Variants in ACACB observed in about 807,000 individuals in gnomAD.
The protein encoded by ACACB is acetyl-CoA carboxylase beta.
ACACB carries 209 observed loss-of-function variants against 278.8 expected under a neutral mutation model. The ratio of observed to expected loss-of-function variants is 0.75; its 90% CI spans 0.67 to 0.84. ACACB has a LOEUF of 0.84. Ranked by LOEUF, ACACB falls within the 40% of genes least tolerant of loss-of-function variation. The pLI is 0.00. For missense variants in ACACB, 2,850 were observed against 3,269.0 expected, an observed-to-expected ratio of 0.87 and a Z score of 3.13; for synonymous variants, 1,174 against 1,285.6, an observed-to-expected ratio of 0.91 and a Z score of 1.86.
At chr12:109,127,264 C>T (rs1442363682) in intron 1 of ACACB, among the ~76,000 whole-genome samples, 1 of 152,118 alleles carries the variant, frequency 6.6e-6, no homozygotes, top group Non-Finnish European at 1.5e-5. Flanking sequence ...AGTCACTCCA[C>T]CTCTCTGGAC....
rs1435671533 is a variant in ACACB at position 109,185,650 on chromosome 12, G to A, written c.1890G>A (p.Val630=). ...RLLYGESPWG[V]TPISFETPSN... ...TGTATGGAGAGTCACCATGGGGAGT[G>A]ACTCCCATTTCTTTTGAAACCCCCT... Residue 630 remains valine, a synonymous_variant, in exon 12 of 53, where the codon GTG becomes GTA. Coordinates refer to ENST00000338432, the MANE Select transcript of ACACB (RefSeq NM_001093.4). The A allele has an allele frequency of 3.7e-6, 6 of 1,613,772 alleles. No homozygotes were observed. The highest frequency in any genetic ancestry group is 5.1e-6 in the Non-Finnish European group (6 of 1,179,944).
intron 28 of ACACB, among the ~76,000 whole-genome samples, chr12:109,231,225 T>C (rs887751558): frequency 6.6e-6 from 1 of 152,130 alleles, no homozygotes; most frequent in Non-Finnish European, 1.5e-5. Flanking sequence ...CCCCCTGCGA[T>C]GGGGCTGCTG....
At chr12:109,166,649 C>CAAAGAAAAAAA (rs2043906858) in intron 2 of ACACB, among the ~76,000 whole-genome samples, 1 of 25,062 alleles carries the variant, frequency 4.0e-5, no homozygotes, top group Non-Finnish European at 6.4e-5. Flanking sequence ...GATCCCGTCT[C>CAAAGAAAAAAA]AAAAAAAAAA....
intron 47 of ACACB, chr12:109,259,982 C>T (rs2047336025): frequency 2.8e-5 from 29 of 1,039,012 alleles, no homozygotes; most frequent in South Asian, 1.3e-4. Flanking sequence ...CTCAGAGGGC[C>T]GAGGTAAGAG....
chr12:109,181,546 T>C (rs1202654398), intron 11 of ACACB, among the ~76,000 whole-genome samples: 1 of 152,160 alleles, frequency 6.6e-6, no homozygotes, highest in Non-Finnish European at 1.5e-5. Flanking sequence ...ATTTTCTTTA[T>C]CCAATCATCT....
rs193086924 is a variant in ACACB at position 109,222,588 on chromosome 12, G to A, written c.3646G>A (p.Glu1216Lys). ...CGAGCTCACTCAGCTGAGCAAAAGCGAGCACTGCAAAGTGGCCCTCAGAGC... is the reference window on the plus strand; with the variant it reads ...CGAGCTCACTCAGCTGAGCAAAAGCAAGCACTGCAAAGTGGCCCTCAGAGC... ...LNELTQLSKS[E>K]HCKVALRARQ... The change falls in exon 25 of 53, where the codon GAG (glutamate) becomes AAG (lysine). Residue 1216 changes from glutamate (E) to lysine (K), a missense_variant. This residue lies in a region of ACACB where 2,265 missense variants were observed against 2,561.3 expected (regional missense o/e 0.88). Coordinates refer to ENST00000338432, the MANE Select transcript of ACACB (RefSeq NM_001093.4). 15 of 1,614,154 alleles carry A rather than the reference G, an allele frequency of 9.3e-6. No homozygotes were observed. The highest frequency in any genetic ancestry group is 4.5e-5 in the East Asian group (2 of 44,864).
intron 24 of ACACB, among the ~76,000 whole-genome samples, chr12:109,218,761 TTCTA>T (rs1482989617): frequency 1.3e-5 from 2 of 149,476 alleles, no homozygotes; most frequent in Non-Finnish European, 3.0e-5. Flanking sequence ...TCTATCTATC[TTCTA>T]TCTATCTTTT....
At chr12:109,129,156 C>T (rs967230613) in intron 1 of ACACB, among the ~76,000 whole-genome samples, 1 of 152,108 alleles carries the variant, frequency 6.6e-6, no homozygotes, top group African/African-American at 2.4e-5. Context: ...AACAAGCCCA[C>T]AACTCTAAAA....
chr12:109,176,163 G>T lies in ACACB; in HGVS notation c.1337G>T (p.Arg446Ile). The T allele has an allele frequency of 6.2e-7, 1 of 1,614,212 alleles. No individual in the cohort carries two copies. The highest frequency in any genetic ancestry group is 8.5e-7 in the Non-Finnish European group (1 of 1,180,038). The change falls in exon 9 of 53, where the codon AGA (arginine) becomes ATA (isoleucine). Residue 446 changes from arginine to isoleucine, a missense_variant. Transcript: ENST00000338432. ...DVDEGLEAAERIGFPLMIKAS... is the reference protein window; with the variant it reads ...DVDEGLEAAEIIGFPLMIKAS... ...GTCCTTTGCACCCAGGCAGCAGAAAGAATTGGTTTTCCATTGATGATCAAA... is the reference window on the plus strand; with the variant it reads ...GTCCTTTGCACCCAGGCAGCAGAAATAATTGGTTTTCCATTGATGATCAAA...
chr12:109,252,000 G>T, intron 41 of ACACB, 46 bp from the exon 42 acceptor site: 1 of 1,451,162 alleles, frequency 6.9e-7, no homozygotes, highest in Non-Finnish European at 9.5e-7. Context: ...TGGGGGGTGG[G>T]TCCCTCGCCA....
At chr12:109,219,355 G>C (rs577140604) in intron 24 of ACACB, among the ~76,000 whole-genome samples, 2 of 152,132 alleles carry the variant, frequency 1.3e-5, no homozygotes, top group African/African-American at 2.4e-5. Context: ...AAAATCTCAC[G>C]CAGCAGCTTT....
At chr12:109,146,660 G>A (rs936243308) in intron 2 of ACACB, among the ~76,000 whole-genome samples, 1 of 152,004 alleles carries the variant, frequency 6.6e-6, no homozygotes, top group African/African-American at 2.4e-5. Flanking sequence ...CTTTGTTGTC[G>A]CCGTCTTGAG....
intron 7 of ACACB, among the ~76,000 whole-genome samples, chr12:109,175,503 C>A (rs1457103401): frequency 6.6e-6 from 1 of 152,142 alleles, no homozygotes; most frequent in African/African-American, 2.4e-5. Flanking sequence ...GCAGTCTTGA[C>A]CTCCTGAGCT....
At chr12:109,145,830 C>G (rs888009851) in intron 2 of ACACB, among the ~76,000 whole-genome samples, 1 of 150,770 alleles carries the variant, frequency 6.6e-6, no homozygotes, top group Admixed American at 6.6e-5. Context: ...AAAACCCCAT[C>G]TCTACTAAAA....
At chr12:109,164,449 C>T (rs1341258815) in intron 2 of ACACB, among the ~76,000 whole-genome samples, 1 of 152,128 alleles carries the variant, frequency 6.6e-6, no homozygotes. Flanking sequence ...CCGGGCTGGT[C>T]TCAAACTCCT....
chr12:109,162,584 G>A (rs954169096), intron 2 of ACACB, among the ~76,000 whole-genome samples: 1 of 152,106 alleles, frequency 6.6e-6, no homozygotes, highest in Non-Finnish European at 1.5e-5. Flanking sequence ...TCTTGGGAGA[G>A]GGGATCGACA....
In ACACB at chr12:109,258,271, T is replaced by TG; in HGVS notation, c.6273dup (p.Ile2092AspfsTer27). On this transcript the variant is annotated frameshift_variant, in exon 46 of 53. Transcript: ENST00000338432. LOFTEE classifies it high-confidence loss of function. ...CTCACTGGTGCTCATTTTCCAGGCT[T>TG]GGGGGGATTCCCGTGGGAGTGATTG... is the stretch of plus-strand genomic sequence containing the variant. 1.9e-6 allele frequency: 3 copies of TG among 1,611,942 alleles called. No individual in the cohort carries two copies. The South Asian group carries it at 3.3e-5, about 18-fold the overall frequency.
chr12:109,180,914 G>A (rs1173590857), intron 11 of ACACB, among the ~76,000 whole-genome samples: 2 of 152,112 alleles, frequency 1.3e-5, no homozygotes, highest in Admixed American at 6.6e-5. Context: ...ATAGCAGGCC[G>A]TATTCATTCT....
Position 109,222,814 on chromosome 12 carries a change from C to T in ACACB, c.3694C>T (p.His1232Tyr), listed in dbSNP as rs1336728209. 6.2e-7 allele frequency: 1 copy of T among 1,613,730 alleles called. No individual in the cohort carries two copies. Among genetic ancestry groups the T allele is most frequent in the Non-Finnish European group, 8.5e-7 (1 of 1,179,830 alleles). Residue 1232 changes from histidine to tyrosine, a missense_variant, in exon 26 of 53, where the codon CAC becomes TAC. His to Tyr is a moderately conservative substitution (Grantham distance 83). This residue lies in a region of ACACB where 2,265 missense variants were observed against 2,561.3 expected (regional missense o/e 0.88). Transcript: ENST00000338432. ...CCCCCTGCAGATCCTGATTGCCTCCCACCTCCCCTCCTACGAGCTGCGGCA... is the reference window on the plus strand; with the variant it reads ...CCCCCTGCAGATCCTGATTGCCTCCTACCTCCCCTCCTACGAGCTGCGGCA... ...LRARQILIAS[H>Y]LPSYELRHNQ... is the part of the protein sequence containing the mutation.
Sources: allele counts gnomAD v4.1 joint callset (sites outside exome capture counted in the v4.1 genomes callset), GRCh38; gene constraint gnomAD v4.1.1; regional missense constraint gnomAD v4.1.1; transcripts MANE v1.5; gene names NCBI Gene and HGNC (gene_info 2026-07-23, HGNC 2026-07-21).